TRA2A: variants seen among roughly 807,000 people sequenced by gnomAD.
TRA2A encodes transformer 2 alpha homolog.
Under a neutral mutation model 45.7 loss-of-function variants are expected in TRA2A, and 31 were observed. The observed-to-expected ratio is 0.68, with a 90% CI of 0.51 to 0.92. TRA2A has a LOEUF of 0.92. TRA2A is among the 40% of genes least tolerant of loss of function. The pLI, the probability that TRA2A is intolerant of heterozygous loss-of-function variation, is 0.00. For synonymous variants in TRA2A, 132 were observed against 126.2 expected (o/e 1.05, Z -0.31); for missense variants, 304 against 367.5 (o/e 0.83, Z 1.41).
At chr7:23,528,399 T>C (rs894122281) in intron 1 of TRA2A, among the ~76,000 whole-genome samples, 1 of 152,012 alleles carries the variant, frequency 6.6e-6, no homozygotes, top group African/African-American at 2.4e-5. Flanking sequence ...GTAGAGACTG[T>C]ATTTCACCAT....
At chr7:23,510,228 G>A (rs371524218) in intron 4 of TRA2A, among the ~76,000 whole-genome samples, 4 of 152,076 alleles carry the variant, frequency 2.6e-5, no homozygotes, top group African/African-American at 9.7e-5. Flanking sequence ...TCGTCACCCC[G>A]CTCCTTAAGT....
chr7:23,517,094 ACT>A (rs946978975), intron 2 of TRA2A, among the ~76,000 whole-genome samples: 7 of 151,984 alleles, frequency 4.6e-5, no homozygotes, highest in African/African-American at 1.7e-4. Flanking sequence ...ACAGAACGAG[ACT>A]CTGTCTCAAA....
At chr7:23,529,096 T>C (rs1216109288) in intron 1 of TRA2A, among the ~76,000 whole-genome samples, 25 of 152,156 alleles carry the variant, frequency 1.6e-4, no homozygotes, top group Admixed American at 1.6e-3. Context: ...AGATTTCCAT[T>C]CCCCTTAATT....
At chr7:23,505,606 A>G in intron 7 of TRA2A, 37 bp from the exon 8 acceptor site, 1 of 607,212 alleles carries the variant, frequency 1.6e-6, no homozygotes, top group Non-Finnish European at 2.9e-6. Context: ...AAAAAAAAAA[A>G]AAGTTAACAA....
At position 23,515,666 on chromosome 7, in the gene TRA2A, C is replaced by A. The variant is rs528025480; in HGVS notation, c.336+697G>T. On this transcript the variant is annotated intron_variant, in intron 3 of 7. Transcript: ENST00000297071. ...GTTCAAGGGATTCTCCAGCCTCAGC[C>A]TCTCAAGTAGTTGAGATTACAGGCG... 4.6e-5 allele frequency among the ~76,000 whole-genome samples: 7 copies of A among 152,242 alleles called. No individual in the cohort carries two copies. The East Asian group carries it at 1.4e-3, about 30-fold the overall frequency.
intron 1 of TRA2A, 28 bp downstream of exon 1, chr7:23,531,761 T>C (rs762048779): frequency 6.2e-7 from 1 of 1,612,624 alleles, no homozygotes; most frequent in Non-Finnish European, 8.5e-7. Context: ...GGCCGCCGCC[T>C]AGACGGCTCC....
At chr7:23,515,121 T>G (rs1789800967) in intron 3 of TRA2A, among the ~76,000 whole-genome samples, 1 of 152,208 alleles carries the variant, frequency 6.6e-6, no homozygotes, top group South Asian at 2.1e-4. Context: ...TACAAAGTTT[T>G]TAATATTTCT....
intron 4 of TRA2A, among the ~76,000 whole-genome samples, chr7:23,509,974 T>C (rs1193031284): frequency 6.6e-6 from 1 of 152,068 alleles, no homozygotes; most frequent in East Asian, 1.9e-4. Context: ...TGCAGTGAGC[T>C]GAGATCGTGC....
intron 2 of TRA2A, among the ~76,000 whole-genome samples, chr7:23,520,984 C>T (rs1790111815): frequency 6.6e-6 from 1 of 152,170 alleles, no homozygotes; most frequent in Non-Finnish European, 1.5e-5. Flanking sequence ...TGAGCCACTG[C>T]ACCCAGCCTG....
intron 2 of TRA2A, among the ~76,000 whole-genome samples, chr7:23,519,190 G>T (rs1308990428): frequency 6.6e-6 from 1 of 151,994 alleles, no homozygotes; most frequent in Non-Finnish European, 1.5e-5. Context: ...TCAGGAGATC[G>T]AGACCATCGT....
At chr7:23,530,682 G>A (rs1405610723) in intron 1 of TRA2A, among the ~76,000 whole-genome samples, 1 of 152,090 alleles carries the variant, frequency 6.6e-6, no homozygotes, top group Non-Finnish European at 1.5e-5. Context: ...TTTAAGCTGG[G>A]GATATCGTAT....
At chr7:23,525,806 G>C (rs1337075133) in intron 1 of TRA2A, among the ~76,000 whole-genome samples, 3 of 152,158 alleles carry the variant, frequency 2.0e-5, no homozygotes, top group Non-Finnish European at 4.4e-5. Flanking sequence ...ACATTGGCCA[G>C]GCTGGCCTCG....
intron 4 of TRA2A, among the ~76,000 whole-genome samples, chr7:23,508,433 A>C (rs750039295): frequency 2.0e-5 from 3 of 152,112 alleles, no homozygotes; most frequent in Non-Finnish European, 4.4e-5. Flanking sequence ...ATGCTCGGCT[A>C]ATTAAAACAA....
chr7:23,505,830 AT>A lies in TRA2A; in HGVS notation c.771-18del. Reference sequence around the variant, plus strand: ...GATCGTCTTCTGTAAGAAATGAAAGATTACTTAGCATACTATATAATCACTC... The same window carrying A: ...GATCGTCTTCTGTAAGAAATGAAAGATACTTAGCATACTATATAATCACTC... On this transcript the variant is annotated intron_variant, in intron 6 of 7. Coordinates refer to ENST00000297071, the MANE Select transcript of TRA2A (RefSeq NM_013293.5). The A allele has an allele frequency of 6.9e-7, 1 of 1,441,384 alleles. No individual in the cohort carries two copies. The highest frequency in any genetic ancestry group is 9.4e-7 in the Non-Finnish European group (1 of 1,066,466). The allele number at this position is 1,441,384 out of a possible 1,614,324, so 89.3% of individuals were successfully genotyped here.
intron 1 of TRA2A, among the ~76,000 whole-genome samples, chr7:23,529,334 G>C (rs1179869024): frequency 6.6e-6 from 1 of 152,038 alleles, no homozygotes; most frequent in Non-Finnish European, 1.5e-5. Flanking sequence ...CTGGAGTGTC[G>C]TGGCGCAATT....
intron 2 of TRA2A, among the ~76,000 whole-genome samples, chr7:23,517,576 A>C (rs1404487392): frequency 6.7e-6 from 1 of 149,658 alleles, no homozygotes; most frequent in Non-Finnish European, 1.5e-5. Context: ...AAGACTCCAC[A>C]CTTCTATTTT....
intron 3 of TRA2A, 42 bp from the exon 4 acceptor site, chr7:23,513,124 A>G (rs759334716): frequency 3.9e-5 from 54 of 1,401,548 alleles, no homozygotes; most frequent in Non-Finnish European, 5.0e-5. Flanking sequence ...AATTAAAATC[A>G]AAATCAAAGA....
Position 23,531,981 on chromosome 7 carries a change from T to C in TRA2A, c.-157A>G, listed in dbSNP as rs1484243488. ...CACTCGGTCGCAGGCTCCAGCAAAA[T>C]GGCGCCGGCGCCGCCAGAAATCTCC... is the stretch of plus-strand genomic sequence containing the variant. On this transcript the variant is annotated 5_prime_UTR_variant, in exon 1 of 8. Transcript: ENST00000297071. 7 of 742,986 alleles carry C rather than the reference T, an allele frequency of 9.4e-6. No homozygotes were observed. Among genetic ancestry groups the C allele is most frequent in the African/African-American group, 1.8e-5 (1 of 56,346 alleles). 46.0% of individuals were successfully genotyped at this position (742,986 alleles called of 1,614,324 possible).
chr7:23,508,812 T>C (rs1013047162), intron 4 of TRA2A, among the ~76,000 whole-genome samples: 3 of 151,886 alleles, frequency 2.0e-5, no homozygotes, highest in Admixed American at 2.0e-4. Flanking sequence ...TTTATTTTTG[T>C]AGAGACAAGA....
Sources: allele counts gnomAD v4.1 joint callset (sites outside exome capture counted in the v4.1 genomes callset), GRCh38; gene constraint gnomAD v4.1.1; transcripts MANE v1.5; gene names NCBI Gene and HGNC (gene_info 2026-07-23, HGNC 2026-07-21).